TNS4: variants seen among roughly 807,000 people sequenced by gnomAD.
TNS4 encodes tensin 4, also known as tensin-4.
A neutral mutation model predicts 70.4 loss-of-function variants in TNS4; 46 were observed. That is an observed-to-expected ratio of 0.65 (90% CI 0.52 to 0.84). TNS4 has a LOEUF of 0.84. Ranked by LOEUF, TNS4 falls within the 40% of genes least tolerant of loss-of-function variation. The pLI is 0.00. For synonymous variants in TNS4, 390 were observed against 366.6 expected, an observed-to-expected ratio of 1.06 and a Z score of -0.73; for missense variants, 863 against 907.0, an observed-to-expected ratio of 0.95 and a Z score of 0.62.
chr17:40,500,581 C>T (rs924870496), intron 1 of TNS4, among the ~76,000 whole-genome samples: 2 of 152,108 alleles, frequency 1.3e-5, no homozygotes, highest in African/African-American at 2.4e-5. Flanking sequence ...TCTTTGTTCC[C>T]AAGGACTCTG....
chr17:40,485,146 A>G, intron 4 of TNS4, 139 bp from the exon 5 acceptor site: 1 of 672,064 alleles, frequency 1.5e-6, no homozygotes, highest in Non-Finnish European at 2.5e-6. Context: ...CCCTAACCCC[A>G]TTGTATCTCC....
At position 40,478,178 on chromosome 17, in the gene TNS4, G is replaced by A. The variant is rs533458538; in HGVS notation, c.2006+129C>T. 72 of 1,218,296 alleles carry A rather than the reference G, an allele frequency of 5.9e-5. No individual in the cohort carries two copies. In the African/African-American group the frequency reaches 7.4e-4, roughly 12 times the overall value. 75.5% of individuals were successfully genotyped at this position (1,218,296 alleles called of 1,614,324 possible). ...AGTCAAAGTCTTTCCCATCAGATGG[G>A]AGCTCCCTGAGGACCAGGGCCTGTG... is the stretch of plus-strand genomic sequence containing the variant. On this transcript the variant is annotated intron_variant, in intron 12 of 12. Coordinates refer to ENST00000254051, the MANE Select transcript of TNS4 (RefSeq NM_032865.6).
At position 40,487,324 on chromosome 17, in the gene TNS4, C is replaced by T. The variant is rs1395899380; in HGVS notation, c.1000G>A (p.Ala334Thr). ...SLCTRPSDFQAPRNPTLTMGQ... is the reference protein window; with the variant it reads ...SLCTRPSDFQTPRNPTLTMGQ... ...ATGGTTAGGGTGGGGTTTCTGGGAG[C>T]CTGGAAGTCACTGGGTCTTGTACAC... is the stretch of plus-strand genomic sequence containing the variant. Residue 334 changes from alanine to threonine, a missense_variant, in exon 4 of 13, where the codon GCT becomes ACT. Ala to Thr is a moderately conservative substitution (Grantham distance 58). Transcript: ENST00000254051. 1 of 1,613,936 alleles carries T rather than the reference C, an allele frequency of 6.2e-7. No homozygotes were observed. The highest frequency in any genetic ancestry group is 8.5e-7 in the Non-Finnish European group (1 of 1,180,012).
intron 7 of TNS4, 47 bp from the exon 8 acceptor site, chr17:40,482,253 A>C (rs1316775970): frequency 6.2e-7 from 1 of 1,613,486 alleles, no homozygotes. Flanking sequence ...TCCCCAACCC[A>C]CCCCTCAGCT....
chr17:40,497,453 A>G (rs1295899787), intron 1 of TNS4, among the ~76,000 whole-genome samples: 1 of 152,154 alleles, frequency 6.6e-6, no homozygotes, highest in South Asian at 2.1e-4. Flanking sequence ...AAAATATAAA[A>G]ATTAGCTGGC....
At chr17:40,497,861 A>G (rs1301885817) in intron 1 of TNS4, among the ~76,000 whole-genome samples, 1 of 152,166 alleles carries the variant, frequency 6.6e-6, no homozygotes, top group Admixed American at 6.5e-5. Context: ...ACATCATCAG[A>G]TGATATTCAT....
intron 2 of TNS4, among the ~76,000 whole-genome samples, chr17:40,494,871 C>T (rs922715173): frequency 2.6e-5 from 4 of 152,164 alleles, no homozygotes; most frequent in African/African-American, 9.7e-5. Flanking sequence ...CCTAATCATG[C>T]ACCCCTTCAC....
chr17:40,478,203 G>A lies in TNS4; in HGVS notation c.2006+104C>T, dbSNP rs887790568. On this transcript the variant is annotated intron_variant, in intron 12 of 12. Transcript: ENST00000254051. ...GAGCTCCCTGAGGACCAGGGCCTGTGCCCTCATCAACACTTTGGACTATTA... is the reference window on the plus strand; with the variant it reads ...GAGCTCCCTGAGGACCAGGGCCTGTACCCTCATCAACACTTTGGACTATTA... 4 of 1,454,560 alleles carry A rather than the reference G, an allele frequency of 2.7e-6. No individual in the cohort carries two copies. The African/African-American group carries it at 4.2e-5, about 15-fold the overall frequency. The allele number at this position is 1,454,560 out of a possible 1,614,324, so 90.1% of individuals were successfully genotyped here.
intron 6 of TNS4, among the ~76,000 whole-genome samples, chr17:40,483,346 A>G (rs2035950592): frequency 6.6e-6 from 1 of 151,960 alleles, no homozygotes; most frequent in Non-Finnish European, 1.5e-5. Flanking sequence ...AGTACCTGGG[A>G]CTACAGGTGT....
In TNS4 at chr17:40,496,109, T is replaced by C. The variant is rs528873871; in HGVS notation, c.317A>G (p.Asn106Ser). 9 of 1,611,378 alleles carry C rather than the reference T, an allele frequency of 5.6e-6. No homozygotes were observed. Among genetic ancestry groups the C allele is most frequent in the East Asian group, 4.5e-5 (2 of 44,842 alleles). The stretch of plus-strand genomic sequence containing the variant: ...GGGGTCCAGTTCCAGGATCATCTGA[T>C]TGAGGCTCTCCAGTGAGAAGTCAAT... ...SYIDFSLESLNQMILELDPTF... is the reference protein window; with the variant it reads ...SYIDFSLESLSQMILELDPTF... Residue 106 changes from asparagine (N) to serine (S), a missense_variant, in exon 2 of 13, where the codon AAT (asparagine) becomes AGT (serine). By Grantham distance (46) the Asn-to-Ser change is conservative. Coordinates refer to ENST00000254051, the MANE Select transcript of TNS4 (RefSeq NM_032865.6).
chr17:40,483,232 G>C (rs2035949855), intron 6 of TNS4, among the ~76,000 whole-genome samples: 2 of 151,640 alleles, frequency 1.3e-5, no homozygotes, highest in African/African-American at 4.9e-5. Context: ...TTTTAGACAG[G>C]GTCTCATTCT....
intron 1 of TNS4, among the ~76,000 whole-genome samples, chr17:40,497,009 AG>A (rs1223247331): frequency 6.6e-6 from 1 of 152,162 alleles, no homozygotes; most frequent in Non-Finnish European, 1.5e-5. Flanking sequence ...AGGCACAGAG[AG>A]GTAGGTAACT....
At chr17:40,488,063 G>A (rs1263505820) in intron 3 of TNS4, among the ~76,000 whole-genome samples, 1 of 152,246 alleles carries the variant, frequency 6.6e-6, no homozygotes, top group Non-Finnish European at 1.5e-5. Flanking sequence ...GGGTGCGCAT[G>A]TGCCTGCAGT....
intron 1 of TNS4, among the ~76,000 whole-genome samples, chr17:40,498,453 C>T (rs1402159650): frequency 6.6e-6 from 1 of 152,206 alleles, no homozygotes; most frequent in Non-Finnish European, 1.5e-5. Context: ...ATAGTAGCTT[C>T]CATTTATTGA....
At position 40,496,329 on chromosome 17, in the gene TNS4, T is replaced by G; in HGVS notation, c.97A>C (p.Ser33Arg). Residue 33 changes from serine (S) to arginine (R), a missense_variant, in exon 2 of 13, where the codon AGC becomes CGC. Coordinates refer to ENST00000254051, the MANE Select transcript of TNS4 (RefSeq NM_032865.6). Reference protein sequence around the residue: ...EPRRTLHPAPSPSLPPQCSYY... With the variant: ...EPRRTLHPAPRPSLPPQCSYY... ...GAACACTGGGGTGGCAGGCTGGGGC[T>G]GGGTGCTGGGTGCAGGGTCCTCCTG... 6.2e-7 allele frequency: 1 copy of G among 1,613,576 alleles called. No individual in the cohort carries two copies. The highest frequency in any genetic ancestry group is 8.5e-7 in the Non-Finnish European group (1 of 1,179,864).
chr17:40,501,337 C>A (rs2036212813), intron 1 of TNS4, among the ~76,000 whole-genome samples, 197 bp downstream of exon 1: 1 of 149,302 alleles, frequency 6.7e-6, no homozygotes, highest in African/African-American at 2.5e-5. Flanking sequence ...ATCCCTGTTA[C>A]TTGGGAGGCT....
At chr17:40,491,264 C>T (rs954926587) in intron 2 of TNS4, among the ~76,000 whole-genome samples, 9 of 152,164 alleles carry the variant, frequency 5.9e-5, no homozygotes, top group African/African-American at 1.4e-4. Context: ...TAGTGTACAA[C>T]GATGTTTCAC....
intron 4 of TNS4, among the ~76,000 whole-genome samples, chr17:40,485,586 A>C (rs1192746123): frequency 2.0e-5 from 3 of 152,212 alleles, no homozygotes; most frequent in African/African-American, 7.2e-5. Context: ...GAGGGTCTTT[A>C]ATGTTCTAGT....
intron 5 of TNS4, 136 bp from the exon 6 acceptor site, chr17:40,484,745 C>T (rs1012968412): frequency 1.4e-6 from 2 of 1,437,014 alleles, no homozygotes; most frequent in Admixed American, 2.0e-5. Context: ...GTCAAATCTC[C>T]ACCATTCTTG....
Sources: gnomAD v4.1 joint callset for allele counts (sites outside exome capture counted in the v4.1 genomes callset) on GRCh38, gnomAD v4.1.1 for gene constraint, MANE v1.5 for transcripts, NCBI Gene and HGNC (gene_info 2026-07-23, HGNC 2026-07-21) for gene names.